Variants in HTR1E observed in about 807,000 individuals in gnomAD.
The protein encoded by HTR1E is 5-HT-1E.
HTR1E carries 3 observed loss-of-function variants against 3.4 expected under a neutral mutation model. The observed-to-expected ratio is 0.89, with a 90% confidence interval of 0.41 to 2.31. The LOEUF is 2.31. Among genes scored for constraint, HTR1E ranks in the 30% most tolerant of loss-of-function variants. The probability of loss-of-function intolerance (pLI) is 0.05; values close to 1 mark genes in which losing one functional copy is unlikely to be tolerated. For synonymous variants in HTR1E, 170 were observed against 182.8 expected (o/e 0.93, Z 0.56); for missense variants, 392 against 467.0 (o/e 0.84, Z 1.48).
chr6:86,998,030 T>A (rs1252734752), intron 1 of HTR1E, among the ~76,000 whole-genome samples: 1 of 148,310 alleles, frequency 6.7e-6, no homozygotes, highest in Non-Finnish European at 1.5e-5. Flanking sequence ...TAAGAACTAT[T>A]CATCAAAAAA....
chr6:86,990,513 A>C (rs1236414555), intron 1 of HTR1E, among the ~76,000 whole-genome samples: 1 of 152,194 alleles, frequency 6.6e-6, no homozygotes, highest in Non-Finnish European at 1.5e-5. Flanking sequence ...GAACTAACTG[A>C]AAGAGTTCCC....
chr6:87,010,272 T>C lies in HTR1E; in HGVS notation c.-185-4878T>C, dbSNP rs62440839. On this transcript the variant is annotated intron_variant, in intron 1 of 1. Coordinates refer to ENST00000305344, the MANE Select transcript of HTR1E (RefSeq NM_000865.3). ...CTCAGTAGGGGCGGCCGGGCAGAGG[T>C]GCCCCTCACCTCCCGGACGGGGCGG... Among the ~76,000 whole-genome samples, 226 of 65,922 alleles carry C rather than the reference T, an allele frequency of 3.4e-3. 2 individuals carry two copies. The highest frequency in any genetic ancestry group is 5.3e-3 in the East Asian group (7 of 1,316). The allele number at this position is 65,922 out of a possible 152,430, so 43.2% of individuals were successfully genotyped here. A position where few individuals can be genotyped will look rare whatever the true frequency, so the allele number is the denominator to read the frequency against.
chr6:86,992,684 G>T (rs1032259892), intron 1 of HTR1E, among the ~76,000 whole-genome samples: 1 of 152,144 alleles, frequency 6.6e-6, no homozygotes, highest in South Asian at 2.1e-4. Context: ...TATCTCTTAG[G>T]TGTCAGGAAA....
intron 1 of HTR1E, among the ~76,000 whole-genome samples, chr6:86,957,783 G>C (rs1162656341): frequency 6.6e-6 from 1 of 152,134 alleles, no homozygotes; most frequent in African/African-American, 2.4e-5. Flanking sequence ...TGGAAAAAAA[G>C]GGCACAGTAA....
chr6:86,960,775 T>C (rs556151796), intron 1 of HTR1E, among the ~76,000 whole-genome samples: 1 of 152,342 alleles, frequency 6.6e-6, no homozygotes, highest in Admixed American at 6.5e-5. Flanking sequence ...AGCCCTATAG[T>C]TTCATGGGAT....
intron 1 of HTR1E, among the ~76,000 whole-genome samples, chr6:87,007,794 AG>A (rs1768138817): frequency 1.3e-5 from 2 of 152,162 alleles, no homozygotes. Flanking sequence ...AATTAGCCAA[AG>A]GGGTGGCACA....
chr6:86,988,147 T>G (rs946789379), intron 1 of HTR1E, among the ~76,000 whole-genome samples: 1 of 152,184 alleles, frequency 6.6e-6, no homozygotes, highest in Non-Finnish European at 1.5e-5. Context: ...AAATGTATAC[T>G]TGAATCTCAT....
chr6:87,006,259 A>G (rs1768106199), intron 1 of HTR1E, among the ~76,000 whole-genome samples: 1 of 152,198 alleles, frequency 6.6e-6, no homozygotes, highest in East Asian at 1.9e-4. Context: ...AAATCAATAT[A>G]TTGAAGAGAC....
At chr6:86,963,205 T>A (rs932385310) in intron 1 of HTR1E, among the ~76,000 whole-genome samples, 5 of 151,944 alleles carry the variant, frequency 3.3e-5, no homozygotes, top group Non-Finnish European at 7.4e-5. Context: ...AACAGAAAAA[T>A]TTAAAAAATA....
chr6:86,955,337 T>A (rs1197272370), intron 1 of HTR1E, among the ~76,000 whole-genome samples: 2 of 152,066 alleles, frequency 1.3e-5, no homozygotes, highest in East Asian at 3.9e-4. Context: ...GACGCCTGCA[T>A]GCGGTAGCAC....
chr6:86,965,570 G>GACC (rs1327048015), intron 1 of HTR1E, among the ~76,000 whole-genome samples: 2 of 152,110 alleles, frequency 1.3e-5, no homozygotes, highest in African/African-American at 4.8e-5. Flanking sequence ...CAGGGCTGAA[G>GACC]ACCACTATCT....
intron 1 of HTR1E, among the ~76,000 whole-genome samples, chr6:87,014,720 C>T (rs1262005565): frequency 7.2e-5 from 11 of 152,160 alleles, no homozygotes; most frequent in African/African-American, 2.7e-4. Flanking sequence ...AACCAAACAC[C>T]ACATGCTCTC....
intron 1 of HTR1E, among the ~76,000 whole-genome samples, chr6:86,969,973 A>G (rs903305099): frequency 1.3e-5 from 2 of 152,256 alleles, no homozygotes; most frequent in African/African-American, 4.8e-5. Flanking sequence ...ATGGAGGGAC[A>G]GGGAAAGCCA....
Position 87,015,444 on chromosome 6 carries a change from C to A in HTR1E, c.110C>A (p.Thr37Lys). 2.5e-6 allele frequency: 4 copies of A among 1,614,146 alleles called. No individual in the cohort carries two copies. Among genetic ancestry groups the A allele is most frequent in the Non-Finnish European group, 3.4e-6 (4 of 1,180,000 alleles). The change falls in exon 2 of 2, where the codon ACG (threonine) becomes AAG (lysine). Residue 37 changes from threonine (T) to lysine (K), a missense_variant. Physicochemically the swap from Thr to Lys is moderately conservative, Grantham distance 78 (BLOSUM62 -1). Around this residue, in one of 3 missense-constraint regions of HTR1E, gnomAD observed 189 missense variants for 258.0 expected, o/e 0.73. Coordinates refer to ENST00000305344, the MANE Select transcript of HTR1E (RefSeq NM_000865.3). Reference sequence around the variant, plus strand: ...CTGGTGGTCATCACCACCCTCACCACGTTGCTGAACTTGGCTGTGATCATG... The same window carrying A: ...CTGGTGGTCATCACCACCCTCACCAAGTTGCTGAACTTGGCTGTGATCATG... Reference protein sequence around the residue: ...MTLVVITTLTTLLNLAVIMAI... With the variant: ...MTLVVITTLTKLLNLAVIMAI...
intron 1 of HTR1E, among the ~76,000 whole-genome samples, chr6:86,941,405 C>A (rs1768542854): frequency 6.6e-6 from 1 of 152,176 alleles, no homozygotes; most frequent in Non-Finnish European, 1.5e-5. Context: ...TGTGGATTAT[C>A]TGGTTTACTG....
chr6:87,004,304 T>C (rs1768072276), intron 1 of HTR1E, among the ~76,000 whole-genome samples: 1 of 152,124 alleles, frequency 6.6e-6, no homozygotes, highest in Non-Finnish European at 1.5e-5. Flanking sequence ...AATAGAAGAC[T>C]ACAGACCAAT....
chr6:86,941,516 G>A (rs776250682), intron 1 of HTR1E, among the ~76,000 whole-genome samples: 1 of 152,160 alleles, frequency 6.6e-6, no homozygotes, highest in Non-Finnish European at 1.5e-5. Context: ...TTTATTGTTA[G>A]CACTCTCTCA....
chr6:86,999,562 TTAGAG>T (rs1396121463), intron 1 of HTR1E, among the ~76,000 whole-genome samples: 4 of 152,212 alleles, frequency 2.6e-5, no homozygotes, highest in South Asian at 2.1e-4. Flanking sequence ...AGAAAAACTA[TTAGAG>T]TAATTTTTTT....
rs1387734587 is a variant in HTR1E at position 87,009,693 on chromosome 6, G to A, written c.-185-5457G>A. ...GGGGCGGCTGGCCGGGCGGGGGGCC[G>A]ACCCCCCAACCTCCCTCCCGGACAG... On this transcript the variant is annotated intron_variant, in intron 1 of 1. Transcript: ENST00000305344. 9.7e-5 allele frequency among the ~76,000 whole-genome samples: 14 copies of A among 144,868 alleles called. No individual in the cohort carries two copies. In the South Asian group the frequency reaches 2.0e-3, roughly 21 times the overall value.
Sources: gnomAD v4.1 joint callset for allele counts (sites outside exome capture counted in the v4.1 genomes callset) on GRCh38, gnomAD v4.1.1 for gene constraint, gnomAD v4.1.1 regional missense constraint, MANE v1.5 for transcripts, NCBI Gene and HGNC (gene_info 2026-07-23, HGNC 2026-07-21) for gene names.